Variants in EYA4 observed in about 807,000 individuals in gnomAD.
EYA4 encodes protein phosphatase EYA4.
A neutral mutation model predicts 87.9 loss-of-function variants in EYA4; 31 were observed. The observed-to-expected ratio is 0.35, with a 90% CI of 0.27 to 0.48. The LOEUF is 0.48. Ranked by LOEUF, EYA4 falls within the 20% of genes least tolerant of loss-of-function variation. The probability of loss-of-function intolerance (pLI) is 0.99; values close to 1 mark genes in which losing one functional copy is unlikely to be tolerated. For synonymous variants in EYA4, 263 were observed against 270.6 expected, an observed-to-expected ratio of 0.97 and a Z score of 0.28; for missense variants, 678 against 761.4, an observed-to-expected ratio of 0.89 and a Z score of 1.29.
chr6:133,279,323 C>T (rs1315520898), intron 2 of EYA4, among the ~76,000 whole-genome samples: 1 of 152,054 alleles, frequency 6.6e-6, no homozygotes, highest in Non-Finnish European at 1.5e-5. Flanking sequence ...TGTATTTCCA[C>T]ATTGTTACTA....
At chr6:133,440,394 TAAC>T (rs962698801) in intron 3 of EYA4, among the ~76,000 whole-genome samples, 4 of 152,188 alleles carry the variant, frequency 2.6e-5, no homozygotes, top group African/African-American at 9.7e-5. Flanking sequence ...CTTCAGGAGT[TAAC>T]AAAGATAAAT....
chr6:133,452,523 G>T (rs1356578151), intron 5 of EYA4, among the ~76,000 whole-genome samples: 1 of 152,122 alleles, frequency 6.6e-6, no homozygotes, highest in Non-Finnish European at 1.5e-5. Flanking sequence ...ACAAGAGTAA[G>T]ACTGCTTTAA....
chr6:133,444,369 G>A (rs891859767), intron 3 of EYA4, among the ~76,000 whole-genome samples: 26 of 152,038 alleles, frequency 1.7e-4, no homozygotes, highest in East Asian at 5.8e-4. Flanking sequence ...AATTATCTGC[G>A]TGGTATATCA....
chr6:133,251,275 A>G (rs2128230101), intron 1 of EYA4, among the ~76,000 whole-genome samples: 1 of 152,296 alleles, frequency 6.6e-6, no homozygotes, highest in African/African-American at 2.4e-5. Flanking sequence ...GCCGTAAGGT[A>G]CCAATTATGA....
At chr6:133,270,055 G>A (rs576616217) in intron 1 of EYA4, among the ~76,000 whole-genome samples, 3 of 152,096 alleles carry the variant, frequency 2.0e-5, no homozygotes, top group African/African-American at 2.4e-5. Context: ...CACTGGCAGC[G>A]GATTAGATTG....
At chr6:133,259,125 C>T (rs1212122243) in intron 1 of EYA4, among the ~76,000 whole-genome samples, 3 of 152,140 alleles carry the variant, frequency 2.0e-5, no homozygotes, top group South Asian at 4.1e-4. Context: ...CCACTTAATG[C>T]ATTTCCTAAG....
rs769070323 is a variant in EYA4, at chr6:133,382,402, C to A, written c.44C>A (p.Thr15Lys). 1.2e-6 allele frequency: 2 copies of A among 1,608,942 alleles called. No individual in the cohort carries two copies. Among genetic ancestry groups the A allele is most frequent in the African/African-American group, 2.7e-5 (2 of 74,870 alleles). The change falls in exon 3 of 20, where the codon ACG (threonine) becomes AAG (lysine). Residue 15 changes from threonine (T) to lysine (K), a missense_variant. Transcript: ENST00000355286. ...QDLNEQSVKK[T>K]CTESDVSQSQ... is the part of the protein sequence containing the mutation. ...ACTCTTTTCTTACAGGTAAAGAAAA[C>A]GTGCACAGAATCAGATGTTTCACAA...
intron 3 of EYA4, among the ~76,000 whole-genome samples, chr6:133,403,896 T>G (rs1021855346): frequency 6.7e-6 from 1 of 150,192 alleles, no homozygotes; most frequent in African/African-American, 2.5e-5. Context: ...CCACAACCTC[T>G]GCCCCCAGAG....
chr6:133,497,279 T>C (rs946076680), intron 13 of EYA4, among the ~76,000 whole-genome samples: 2 of 152,200 alleles, frequency 1.3e-5, no homozygotes, highest in Non-Finnish European at 2.9e-5. Flanking sequence ...CACAGTAATG[T>C]AGGAATGACC....
intron 13 of EYA4, among the ~76,000 whole-genome samples, chr6:133,485,569 C>T (rs1033469105): frequency 3.3e-5 from 5 of 152,164 alleles, no homozygotes; most frequent in African/African-American, 7.2e-5. Context: ...CATAGCACAT[C>T]GCATGGCCTG....
chr6:133,274,580 A>G lies in EYA4; in HGVS notation c.-65-136A>G. 5.0e-6 allele frequency: 3 copies of G among 601,996 alleles called. No individual in the cohort carries two copies. The South Asian group carries it at 6.2e-5, about 12-fold the overall frequency. The allele number at this position is 601,996 out of a possible 1,614,324, so 37.3% of individuals were successfully genotyped here. ...TAATTGCATCAGATATGGAGACAAT[A>G]TTAGTGGATTTTCTTCTTGAGAGAA... is the stretch of plus-strand genomic sequence containing the variant. On this transcript the variant is annotated intron_variant, in intron 1 of 19. Coordinates refer to ENST00000355286, the MANE Select transcript of EYA4 (RefSeq NM_004100.5).
intron 2 of EYA4, among the ~76,000 whole-genome samples, chr6:133,309,677 A>G (rs1189040835): frequency 2.6e-5 from 4 of 152,230 alleles, no homozygotes; most frequent in Non-Finnish European, 5.9e-5. Context: ...CTAACATGCC[A>G]ACATGCCTCC....
chr6:133,294,877 G>A (rs554189066), intron 2 of EYA4, among the ~76,000 whole-genome samples: 7 of 152,042 alleles, frequency 4.6e-5, no homozygotes, highest in African/African-American at 1.4e-4. Context: ...CACCACAGCC[G>A]GCCAATTTCT....
intron 2 of EYA4, among the ~76,000 whole-genome samples, chr6:133,323,130 G>T (rs2128360992): frequency 6.6e-6 from 1 of 151,698 alleles, no homozygotes; most frequent in South Asian, 2.1e-4. Context: ...AACTCATGAT[G>T]AATAACAGGC....
rs562806515 is a variant in EYA4, at chr6:133,380,831, A to G, written c.34-1561A>G. On this transcript the variant is annotated intron_variant, in intron 2 of 19. Transcript: ENST00000355286. ...TTCCCCTTTTCTCCTCCTACGCCTT[A>G]TTCCTCTTCCTCCTCCTCCTTGTTC... Among the ~76,000 whole-genome samples, 14 of 144,058 alleles carry G rather than the reference A, an allele frequency of 9.7e-5. 1 individual carries two copies. The highest frequency in any genetic ancestry group is 3.4e-4 in the African/African-American group (13 of 38,572). 94.5% of individuals were successfully genotyped at this position (144,058 alleles called of 152,430 possible).
At chr6:133,436,719 G>T (rs1337153184) in intron 3 of EYA4, among the ~76,000 whole-genome samples, 1 of 152,204 alleles carries the variant, frequency 6.6e-6, no homozygotes, top group Non-Finnish European at 1.5e-5. Context: ...TCTTGAGAAT[G>T]TGGGAAATAG....
intron 2 of EYA4, among the ~76,000 whole-genome samples, chr6:133,374,586 G>A (rs1785528317): frequency 6.6e-6 from 1 of 151,998 alleles, no homozygotes; most frequent in Non-Finnish European, 1.5e-5. Flanking sequence ...GGTTATGGCA[G>A]GTTTTCTTTG....
intron 2 of EYA4, among the ~76,000 whole-genome samples, chr6:133,276,555 C>T (rs1467990570): frequency 2.0e-5 from 3 of 152,192 alleles, no homozygotes; most frequent in African/African-American, 7.2e-5. Context: ...ATTTTAAGGT[C>T]ATGGAGCTCA....
At chr6:133,304,084 G>C (rs1779621928) in intron 2 of EYA4, among the ~76,000 whole-genome samples, 1 of 152,046 alleles carries the variant, frequency 6.6e-6, no homozygotes, top group Admixed American at 6.6e-5. Context: ...AAGGAACAAG[G>C]GTGATGAGTA....
Sources: allele counts gnomAD v4.1 joint callset (sites outside exome capture counted in the v4.1 genomes callset), GRCh38; gene constraint gnomAD v4.1.1; transcripts MANE v1.5; gene names NCBI Gene and HGNC (gene_info 2026-07-23, HGNC 2026-07-21).